The following NDFIP2 variants were observed in gnomAD, a reference collection of about 807,000 sequenced individuals.
The protein encoded by NDFIP2 is NEDD4 family-interacting protein 2.
Under a neutral mutation model 36.0 loss-of-function variants are expected in NDFIP2, and 19 were observed. That is an observed-to-expected ratio of 0.53 (90% CI 0.37 to 0.77). The LOEUF is 0.77. Among genes scored for constraint, NDFIP2 ranks in the 30% least tolerant of loss-of-function variants. The pLI is 0.00. For missense variants in NDFIP2, 446 were observed against 435.8 expected, an observed-to-expected ratio of 1.02 and a Z score of -0.21; for synonymous variants, 181 against 167.7, an observed-to-expected ratio of 1.08 and a Z score of -0.61.
chr13:79,527,112 G>T (rs1874826692), intron 2 of NDFIP2, among the ~76,000 whole-genome samples: 1 of 151,970 alleles, frequency 6.6e-6, no homozygotes, highest in Non-Finnish European at 1.5e-5. Context: ...GCATATAATG[G>T]GTTAAAAAGA....
intron 3 of NDFIP2, among the ~76,000 whole-genome samples, chr13:79,538,980 G>A (rs964681943): frequency 6.6e-6 from 1 of 152,194 alleles, no homozygotes; most frequent in East Asian, 1.9e-4. Flanking sequence ...GCTTTGCAGT[G>A]TACAGCTCTG....
intron 1 of NDFIP2, among the ~76,000 whole-genome samples, chr13:79,485,006 C>T (rs549701350): frequency 2.4e-4 from 36 of 152,178 alleles, no homozygotes; most frequent in Admixed American, 1.3e-3. Context: ...TAATGTTTCA[C>T]GGTTTCTGGC....
chr13:79,519,646 A>G (rs899022963), intron 1 of NDFIP2, among the ~76,000 whole-genome samples: 1 of 152,218 alleles, frequency 6.6e-6, no homozygotes, highest in Admixed American at 6.5e-5. Flanking sequence ...AGGATCTCCT[A>G]GGTTGTTGTG....
At chr13:79,525,290 T>C (rs1313672326) in intron 2 of NDFIP2, among the ~76,000 whole-genome samples, 1 of 152,236 alleles carries the variant, frequency 6.6e-6, no homozygotes, top group African/African-American at 2.4e-5. Context: ...AACTAAGCAC[T>C]TATCACACAC....
At chr13:79,536,065 ACTATTTC>A (rs1875227109) in intron 3 of NDFIP2, among the ~76,000 whole-genome samples, 6 of 152,200 alleles carry the variant, frequency 3.9e-5, no homozygotes, top group Admixed American at 3.9e-4. Context: ...TACTGTTTTT[ACTATTTC>A]CTATTTCTGA....
rs762001801 is a variant in NDFIP2, at chr13:79,520,774, T to G, written c.322-36T>G. 3.9e-6 allele frequency: 6 copies of G among 1,542,850 alleles called. No homozygotes were observed. In the African/African-American group the frequency reaches 6.9e-5, roughly 18 times the overall value. On this transcript the variant is annotated intron_variant, in intron 1 of 7. Transcript: ENST00000218652. ...CTTAAAATTTAAAAAATAATTAGCA[T>G]TACATTAATGTTTTGTTTTTCTTTT...
intron 1 of NDFIP2, among the ~76,000 whole-genome samples, chr13:79,495,883 G>A (rs1292986796): frequency 6.6e-6 from 1 of 151,734 alleles, no homozygotes; most frequent in East Asian, 1.9e-4. Flanking sequence ...TTACAAGAAA[G>A]TGTGAAGGTT....
rs773689526 is a variant in NDFIP2, at chr13:79,481,217, G to A, written c.14G>A (p.Arg5Gln). 1.3e-6 allele frequency: 2 copies of A among 1,509,810 alleles called. No homozygotes were observed. Among genetic ancestry groups the A allele is most frequent in the South Asian group, 1.2e-5 (1 of 80,558 alleles). 93.5% of individuals were successfully genotyped at this position (1,509,810 alleles called of 1,614,324 possible). A position where few individuals can be genotyped will look rare whatever the true frequency, so the allele number is the denominator to read the frequency against. Residue 5 changes from arginine (R) to glutamine (Q), a missense_variant, in exon 1 of 8, where the codon CGG becomes CAG. By Grantham distance (43) the Arg-to-Gln change is conservative (BLOSUM62 1). Around this residue, in one of 2 missense-constraint regions of NDFIP2, gnomAD observed 369 missense variants for 304.8 expected, o/e 1.21. Coordinates refer to ENST00000218652, the MANE Select transcript of NDFIP2 (RefSeq NM_019080.3). MARRRSQRVCASGPS... is the reference protein window; with the variant it reads MARRQSQRVCASGPS... ...CTGGCGGCGCGGATGGCACGCCGGC[G>A]GAGCCAGCGAGTCTGCGCGAGCGGT...
chr13:79,520,332 G>A (rs1197667472), intron 1 of NDFIP2, among the ~76,000 whole-genome samples: 1 of 152,100 alleles, frequency 6.6e-6, no homozygotes, highest in Non-Finnish European at 1.5e-5. Context: ...TAACTCTACT[G>A]TTACAATTGC....
intron 5 of NDFIP2, among the ~76,000 whole-genome samples, chr13:79,546,845 T>C (rs964830931): frequency 6.6e-6 from 1 of 152,130 alleles, no homozygotes; most frequent in Non-Finnish European, 1.5e-5. Flanking sequence ...CTTACAGCCT[T>C]TAAGACCTAT....
chr13:79,514,827 T>C (rs1159030114), intron 1 of NDFIP2, among the ~76,000 whole-genome samples: 1 of 152,176 alleles, frequency 6.6e-6, no homozygotes, highest in Non-Finnish European at 1.5e-5. Context: ...ATCCCCCCCT[T>C]ACATTTTTTT....
chr13:79,509,960 T>TG (rs1174174129), intron 1 of NDFIP2, among the ~76,000 whole-genome samples: 1 of 152,158 alleles, frequency 6.6e-6, no homozygotes, highest in East Asian at 1.9e-4. Context: ...AGATTAAGGG[T>TG]GGGTCTGCCT....
At chr13:79,540,016 G>A (rs1875394675) in intron 4 of NDFIP2, among the ~76,000 whole-genome samples, 1 of 152,192 alleles carries the variant, frequency 6.6e-6, no homozygotes, top group Admixed American at 6.5e-5. Flanking sequence ...ATGCTGACAT[G>A]TAAAAGTACA....
At chr13:79,516,344 T>C (rs547934909) in intron 1 of NDFIP2, among the ~76,000 whole-genome samples, 1 of 152,180 alleles carries the variant, frequency 6.6e-6, no homozygotes, top group Admixed American at 6.5e-5. Context: ...GCCTCCACCT[T>C]CCGGGCTCAG....
intron 1 of NDFIP2, among the ~76,000 whole-genome samples, chr13:79,515,858 G>GTT (rs11435384): frequency 5.3e-4 from 72 of 134,758 alleles, no homozygotes; most frequent in Middle Eastern, 4.2e-3. Context: ...ATTCTAATCT[G>GTT]TTTTTTTTTT....
chr13:79,484,493 T>C (rs1053052474), intron 1 of NDFIP2, among the ~76,000 whole-genome samples: 2 of 152,240 alleles, frequency 1.3e-5, no homozygotes, highest in Admixed American at 6.5e-5. Context: ...TTATAATACA[T>C]TAGCATATTA....
intron 1 of NDFIP2, among the ~76,000 whole-genome samples, chr13:79,516,061 A>G: frequency 6.6e-6 from 1 of 152,076 alleles, no homozygotes. Flanking sequence ...CAAAATTGGA[A>G]CATGATGAAT....
chr13:79,545,994 C>T (rs1169491684), intron 5 of NDFIP2, among the ~76,000 whole-genome samples: 1 of 152,172 alleles, frequency 6.6e-6, no homozygotes, highest in East Asian at 1.9e-4. Flanking sequence ...TCCCAAAGTG[C>T]TAGGATTACA....
intron 1 of NDFIP2, among the ~76,000 whole-genome samples, chr13:79,509,265 A>G (rs568127463): frequency 1.3e-5 from 2 of 152,228 alleles, no homozygotes; most frequent in East Asian, 3.9e-4. Context: ...TTTGGTTTGG[A>G]AAGGTGGGAC....
Sources: gnomAD v4.1 joint callset for allele counts (sites outside exome capture counted in the v4.1 genomes callset) on GRCh38, gnomAD v4.1.1 for gene constraint, gnomAD v4.1.1 regional missense constraint, MANE v1.5 for transcripts, NCBI Gene and HGNC (gene_info 2026-07-23, HGNC 2026-07-21) for gene names.